Variants in EFR3A observed in about 807,000 individuals in gnomAD.
EFR3A encodes protein EFR3 homolog A.
A neutral mutation model predicts 104.4 loss-of-function variants in EFR3A; 76 were observed. The ratio of observed to expected loss-of-function variants is 0.73; its 90% CI spans 0.60 to 0.88. EFR3A has a LOEUF of 0.88. Ranked by LOEUF, EFR3A falls within the 40% of genes least tolerant of loss-of-function variation. The probability of loss-of-function intolerance (pLI) is 0.00; values close to 1 mark genes in which losing one functional copy is unlikely to be tolerated. For missense variants in EFR3A, 985 were observed against 1,012.5 expected (o/e 0.97, Z 0.37); for synonymous variants, 330 against 330.0 (o/e 1.00, Z 0.00).
chr8:131,920,672 TAGAC>T (rs1816968204), intron 1 of EFR3A, among the ~76,000 whole-genome samples: 1 of 152,118 alleles, frequency 6.6e-6, no homozygotes, highest in African/African-American at 2.4e-5. Flanking sequence ...GTCTCCAAAG[TAGAC>T]AGTTCAGATT....
At chr8:131,964,575 A>G (rs1236540393) in intron 8 of EFR3A, among the ~76,000 whole-genome samples, 2 of 152,322 alleles carry the variant, frequency 1.3e-5, no homozygotes, top group East Asian at 1.9e-4. Context: ...ATAAAAGACT[A>G]TATAAACAAA....
chr8:132,006,728 A>G (rs1412265338), intron 22 of EFR3A, among the ~76,000 whole-genome samples: 1 of 152,058 alleles, frequency 6.6e-6, no homozygotes, highest in Non-Finnish European at 1.5e-5. Flanking sequence ...AAATGAAATT[A>G]TAGACAAGTA....
At chr8:131,943,115 T>C (rs1461818993) in intron 2 of EFR3A, among the ~76,000 whole-genome samples, 1 of 152,102 alleles carries the variant, frequency 6.6e-6, no homozygotes, top group South Asian at 2.1e-4. Flanking sequence ...AAGGAAATGC[T>C]CACTGGAGCA....
At chr8:131,979,449 TGTAGTGTAAATTACAGCC>T (rs1325792620) in intron 14 of EFR3A, 28 bp downstream of exon 14, 1 of 1,436,502 alleles carries the variant, frequency 7.0e-7, no homozygotes, top group East Asian at 2.5e-5. Flanking sequence ...AAAATAAATG[TGTAGTGTAAATTACAGCC>T]GTTTGAATTG....
chr8:131,927,450 G>A (rs1304209215), intron 1 of EFR3A, among the ~76,000 whole-genome samples: 1 of 152,114 alleles, frequency 6.6e-6, no homozygotes, highest in Non-Finnish European at 1.5e-5. Context: ...CCAAACTTGA[G>A]AACTCTGACC....
chr8:131,912,981 A>ATT (rs3051318), intron 1 of EFR3A, among the ~76,000 whole-genome samples: 1 of 141,350 alleles, frequency 7.1e-6, no homozygotes, highest in African/African-American at 2.6e-5. Flanking sequence ...TATCACTTGT[A>ATT]TTTTTTTTTT....
intron 2 of EFR3A, 21 bp from the exon 3 acceptor site, chr8:131,944,724 T>G (rs1000908508): frequency 6.5e-7 from 1 of 1,545,546 alleles, no homozygotes; most frequent in Non-Finnish European, 8.7e-7. Flanking sequence ...GATAATCTAT[T>G]TATCTTGTTA....
intron 2 of EFR3A, among the ~76,000 whole-genome samples, chr8:131,942,743 G>A (rs1422475573): frequency 3.3e-5 from 5 of 152,060 alleles, no homozygotes. Context: ...TTGGAGTGGG[G>A]GCTGTTGGGA....
intron 8 of EFR3A, among the ~76,000 whole-genome samples, chr8:131,966,767 G>T (rs77304563): frequency 4.6e-5 from 7 of 152,164 alleles, no homozygotes; most frequent in Admixed American, 1.3e-4. Flanking sequence ...GTCTTAAAGC[G>T]ATTCATCTGT....
At chr8:132,007,172 T>C (rs1822094750) in intron 22 of EFR3A, among the ~76,000 whole-genome samples, 1 of 151,532 alleles carries the variant, frequency 6.6e-6, no homozygotes, top group South Asian at 2.1e-4. Flanking sequence ...AATATAAAGA[T>C]GAGAAAGGAA....
In EFR3A at chr8:131,978,714, TC is replaced by T. The variant is rs1239719155; in HGVS notation, c.1327-132del. On this transcript the variant is annotated intron_variant, in intron 12 of 22. Transcript: ENST00000254624. ...AAAATCCTTCATTACTTTGCACATT[TC>T]TTTTATGTCTTTTCTCCAGGCTTCT... is the stretch of plus-strand genomic sequence containing the variant. The T allele has an allele frequency of 1.0e-5, 7 of 692,492 alleles. No individual in the cohort carries two copies. In the Admixed American group the frequency reaches 2.6e-4, roughly 26 times the overall value. 42.9% of individuals were successfully genotyped at this position (692,492 alleles called of 1,614,324 possible).
Position 131,904,191 on chromosome 8 carries a change from G to T in EFR3A, c.-122G>T. ...TCCGCGTCCGCTCCCTCCACCCTTC[G>T]CCCTTCGCCCTTCGCCTCGTTCCGG... On this transcript the variant is annotated 5_prime_UTR_variant, in exon 1 of 23. Coordinates refer to ENST00000254624, the MANE Select transcript of EFR3A (RefSeq NM_015137.6). The T allele has an allele frequency of 9.0e-7, 1 of 1,113,728 alleles. No individual in the cohort carries two copies. The highest frequency in any genetic ancestry group is 3.4e-4 in the Middle Eastern group (1 of 2,926). 69.0% of individuals were successfully genotyped at this position (1,113,728 alleles called of 1,614,324 possible).
At chr8:131,911,525 A>G (rs1816510322) in intron 1 of EFR3A, among the ~76,000 whole-genome samples, 2 of 152,186 alleles carry the variant, frequency 1.3e-5, no homozygotes, top group South Asian at 4.1e-4. Flanking sequence ...AGTGAAACCA[A>G]AGTAGTTTTG....
intron 22 of EFR3A, among the ~76,000 whole-genome samples, chr8:132,007,305 T>A (rs1194108613): frequency 6.6e-6 from 1 of 151,806 alleles, no homozygotes; most frequent in Non-Finnish European, 1.5e-5. Context: ...GGTCACAGGA[T>A]TCAGGGTATT....
At chr8:131,995,427 A>G (rs994937646) in intron 18 of EFR3A, among the ~76,000 whole-genome samples, 5 of 152,180 alleles carry the variant, frequency 3.3e-5, no homozygotes, top group African/African-American at 1.2e-4. Context: ...CGGGATGTGT[A>G]ATGTCTATTC....
chr8:131,933,310 G>T (rs1817711660), intron 1 of EFR3A, among the ~76,000 whole-genome samples: 1 of 152,100 alleles, frequency 6.6e-6, no homozygotes, highest in Admixed American at 6.6e-5. Flanking sequence ...CCAGGGACAT[G>T]GTCTTGAAAA....
At chr8:131,965,857 T>C (rs528359538) in intron 8 of EFR3A, among the ~76,000 whole-genome samples, 2 of 152,136 alleles carry the variant, frequency 1.3e-5, no homozygotes, top group South Asian at 2.1e-4. Context: ...GTGGCACATA[T>C]ACACCATGGA....
chr8:131,956,797 A>G (rs1319321438), intron 7 of EFR3A, among the ~76,000 whole-genome samples: 1 of 152,130 alleles, frequency 6.6e-6, no homozygotes, highest in African/African-American at 2.4e-5. Context: ...CCCACCTCCA[A>G]AATATTGAGA....
At chr8:131,935,554 T>C (rs1396805450) in intron 1 of EFR3A, 1 of 431,780 alleles carries the variant, frequency 2.3e-6, no homozygotes, top group Admixed American at 2.6e-5. Context: ...TCTATTATGT[T>C]ACATGTGAGA....
Sources: allele counts gnomAD v4.1 joint callset (sites outside exome capture counted in the v4.1 genomes callset), GRCh38; gene constraint gnomAD v4.1.1; transcripts MANE v1.5; gene names NCBI Gene and HGNC (gene_info 2026-07-23, HGNC 2026-07-21).